The following ZNF827 variants were observed in gnomAD, a reference collection of about 807,000 sequenced individuals.
ZNF827 encodes the protein zinc finger protein 827.
ZNF827 carries 13 observed loss-of-function variants against 102.4 expected under a neutral mutation model. The observed-to-expected ratio is 0.13, with a 90% CI of 0.08 to 0.20. The LOEUF (loss-of-function observed/expected upper bound fraction) is 0.20, where lower values mean the gene tolerates loss of function less well. ZNF827 is among the 10% of genes least tolerant of loss of function. The pLI, the probability that ZNF827 is intolerant of heterozygous loss-of-function variation, is 1.00. For synonymous variants in ZNF827, 523 were observed against 536.2 expected, an observed-to-expected ratio of 0.98 and a Z score of 0.34; for missense variants, 1,103 against 1,344.4, an observed-to-expected ratio of 0.82 and a Z score of 2.81.
At chr4:145,764,922 G>C (rs772490788) in intron 13 of ZNF827, 66 bp downstream of exon 13, 2 of 1,604,894 alleles carry the variant, frequency 1.2e-6, no homozygotes, top group East Asian at 2.2e-5. Context: ...GGAAGGGACG[G>C]GGTAGGGAAG....
chr4:145,834,896 A>G (rs1744645422), intron 7 of ZNF827: 1 of 152,180 alleles, frequency 6.6e-6, no homozygotes, highest in South Asian at 2.1e-4. Context: ...AAAAAGTTGC[A>G]ATTCCTTGCC....
chr4:145,923,005 C>G (rs1001738727), intron 1 of ZNF827, among the ~76,000 whole-genome samples: 7 of 151,966 alleles, frequency 4.6e-5, no homozygotes, highest in Non-Finnish European at 8.8e-5. Context: ...TATTTTATAA[C>G]AAAATGTGTC....
intron 1 of ZNF827, among the ~76,000 whole-genome samples, chr4:145,910,198 C>A (rs978758946): frequency 6.6e-6 from 1 of 152,128 alleles, no homozygotes; most frequent in Non-Finnish European, 1.5e-5. Flanking sequence ...GCAACATTTT[C>A]AAATCATTAT....
chr4:145,781,338 C>T (rs1738028482), intron 8 of ZNF827, among the ~76,000 whole-genome samples: 1 of 151,638 alleles, frequency 6.6e-6, no homozygotes, highest in South Asian at 2.1e-4. Context: ...AGGCTTCCAC[C>T]TGTATGTGGC....
At chr4:145,809,117 T>C (rs2126373002) in intron 8 of ZNF827, among the ~76,000 whole-genome samples, 1 of 152,348 alleles carries the variant, frequency 6.6e-6, no homozygotes, top group East Asian at 1.9e-4. Flanking sequence ...CATATTTAAA[T>C]GTGGTTCTGC....
intron 4 of ZNF827, among the ~76,000 whole-genome samples, chr4:145,878,602 CAGGAA>C (rs869069442): frequency 0.16 from 10,252 of 62,416 alleles, 832 homozygotes; most frequent in Middle Eastern, 0.21. Context: ...CAGGACAGGA[CAGGAA>C]AGGAAAGGAA....
rs554263105 is a variant in ZNF827, at chr4:145,893,266, T to G, written c.1094-851A>C. Among the ~76,000 whole-genome samples the G allele has an allele frequency of 7.9e-5, 12 of 152,366 alleles. No individual in the cohort carries two copies. In the South Asian group the frequency reaches 1.4e-3, roughly 18 times the overall value. On this transcript the variant is annotated intron_variant, in intron 2 of 14. Coordinates refer to ENST00000508784, the MANE Select transcript of ZNF827 (RefSeq NM_001306215.2). ...TGTTGTGACACTATTGCTAAACTTT[T>G]GGTCTACCAATTTATATTGCTCAGT... is the stretch of plus-strand genomic sequence containing the variant.
At chr4:145,865,008 G>A (rs1748056005) in intron 5 of ZNF827, among the ~76,000 whole-genome samples, 1 of 152,190 alleles carries the variant, frequency 6.6e-6, no homozygotes, top group Non-Finnish European at 1.5e-5. Flanking sequence ...TTTGCTCTGA[G>A]AAATTATTAA....
intron 8 of ZNF827, among the ~76,000 whole-genome samples, chr4:145,785,526 T>C (rs1024240944): frequency 6.6e-6 from 1 of 152,194 alleles, no homozygotes; most frequent in Non-Finnish European, 1.5e-5. Context: ...GGACCTCTCC[T>C]GCCCCAGAGT....
chr4:145,875,116 G>A (rs1749045584), intron 4 of ZNF827, among the ~76,000 whole-genome samples: 1 of 152,044 alleles, frequency 6.6e-6, no homozygotes, highest in Non-Finnish European at 1.5e-5. Flanking sequence ...TATAGTAATT[G>A]GGAAAATACT....
chr4:145,886,284 A>G, intron 3 of ZNF827, 126 bp from the exon 4 acceptor site: 1 of 1,399,718 alleles, frequency 7.1e-7, no homozygotes, highest in African/African-American at 1.4e-5. Flanking sequence ...ACTGCAGAGC[A>G]TTTCACTATG....
chr4:145,842,397 T>G (rs1389639873), intron 7 of ZNF827, among the ~76,000 whole-genome samples: 1 of 152,110 alleles, frequency 6.6e-6, no homozygotes, highest in Non-Finnish European at 1.5e-5. Flanking sequence ...GACTTCGTGT[T>G]CTCTTGGTGC....
chr4:145,876,390 C>T (rs527257600), intron 4 of ZNF827: 1 of 152,300 alleles, frequency 6.6e-6, no homozygotes, highest in South Asian at 2.1e-4. Context: ...CCAGCTATCC[C>T]CTGGGCATAC....
At chr4:145,805,125 T>G (rs1381113398) in intron 8 of ZNF827, among the ~76,000 whole-genome samples, 1 of 148,270 alleles carries the variant, frequency 6.7e-6, no homozygotes, top group Non-Finnish European at 1.5e-5. Context: ...GCAATTCCTT[T>G]TGTGTGTGTG....
At chr4:145,845,052 C>A (rs1005293227) in intron 7 of ZNF827, among the ~76,000 whole-genome samples, 1 of 152,198 alleles carries the variant, frequency 6.6e-6, no homozygotes, top group Admixed American at 6.5e-5. Context: ...TCTACTGTTC[C>A]TAGTTGTTCA....
chr4:145,890,041 A>G (rs1396813103), intron 3 of ZNF827, among the ~76,000 whole-genome samples: 1 of 152,150 alleles, frequency 6.6e-6, no homozygotes, highest in Non-Finnish European at 1.5e-5. Context: ...GATGTAGCAG[A>G]GGATATCTAC....
intron 2 of ZNF827, among the ~76,000 whole-genome samples, chr4:145,895,401 T>C (rs1750901726): frequency 6.6e-6 from 1 of 152,228 alleles, no homozygotes; most frequent in Non-Finnish European, 1.5e-5. Context: ...CATTTAGCTA[T>C]GCTTCCTTAG....
At chr4:145,806,449 C>T (rs1741462378) in intron 8 of ZNF827, among the ~76,000 whole-genome samples, 1 of 152,176 alleles carries the variant, frequency 6.6e-6, no homozygotes, top group African/African-American at 2.4e-5. Flanking sequence ...AGACATTGTG[C>T]TGGGCCATGA....
rs146429640 is a variant in ZNF827 at position 145,923,575 on chromosome 4, C to T, written c.43+14790G>A. 3.7e-4 allele frequency among the ~76,000 whole-genome samples: 56 copies of T among 152,180 alleles called. 1 individual carries two copies. In the East Asian group the frequency reaches 0.011, roughly 29 times the overall value. Reference sequence around the variant, plus strand: ...CAGAGGCTGCACCACTGCACTCCAGCCTGGGCAACAGAGGGAGACTCCATC... The same window carrying T: ...CAGAGGCTGCACCACTGCACTCCAGTCTGGGCAACAGAGGGAGACTCCATC... On this transcript the variant is annotated intron_variant, in intron 1 of 14. Coordinates refer to ENST00000508784, the MANE Select transcript of ZNF827 (RefSeq NM_001306215.2).
Sources: gnomAD v4.1 joint callset for allele counts (sites outside exome capture counted in the v4.1 genomes callset) on GRCh38, gnomAD v4.1.1 for gene constraint, MANE v1.5 for transcripts, NCBI Gene and HGNC (gene_info 2026-07-23, HGNC 2026-07-21) for gene names.